Variants in DENND1B observed in about 807,000 individuals in gnomAD.
DENND1B encodes the protein DENN domain containing 1B.
DENND1B carries 59 observed loss-of-function variants against 90.1 expected under a neutral mutation model. The ratio of observed to expected loss-of-function variants is 0.65; its 90% CI spans 0.53 to 0.81. The LOEUF (loss-of-function observed/expected upper bound fraction) is 0.81. DENND1B is among the 40% of genes least tolerant of loss of function. DENND1B has a pLI of 0.00. For missense variants in DENND1B, 862 were observed against 912.6 expected, an observed-to-expected ratio of 0.94 and a Z score of 0.71; for synonymous variants, 337 against 324.6, an observed-to-expected ratio of 1.04 and a Z score of -0.41.
At chr1:197,542,735 G>A (rs928668869) in intron 18 of DENND1B, among the ~76,000 whole-genome samples, 1 of 152,030 alleles carries the variant, frequency 6.6e-6, no homozygotes, top group Non-Finnish European at 1.5e-5. Context: ...GAGCAGTCTG[G>A]AAAGATCAGT....
intron 16 of DENND1B, among the ~76,000 whole-genome samples, chr1:197,549,387 G>A (rs2125677391): frequency 6.6e-6 from 1 of 151,938 alleles, no homozygotes; most frequent in Middle Eastern, 3.4e-3. Flanking sequence ...AAATAAGAAT[G>A]GAAAAATAAA....
At chr1:197,618,394 G>C (rs1677854678) in intron 10 of DENND1B, among the ~76,000 whole-genome samples, 1 of 151,194 alleles carries the variant, frequency 6.6e-6, no homozygotes, top group South Asian at 2.1e-4. Context: ...AGGAAGCCAA[G>C]TATATCATAA....
In DENND1B at chr1:197,642,560, C is replaced by T. The variant is rs1322965905; in HGVS notation, c.672+151G>A. ...GCTTCCTATAAATCAGACTTTTGTA[C>T]TTCAAGAGCCAGATTAAAACCATAC... On this transcript the variant is annotated intron_variant, in intron 10 of 22. Transcript: ENST00000620048. 4 of 478,970 alleles carry T rather than the reference C, an allele frequency of 8.4e-6. No individual in the cohort carries two copies. The Admixed American group carries it at 1.6e-4, about 19-fold the overall frequency. 29.7% of individuals were successfully genotyped at this position (478,970 alleles called of 1,614,324 possible).
chr1:197,714,450 T>G (rs971194364), intron 3 of DENND1B, among the ~76,000 whole-genome samples: 1 of 152,094 alleles, frequency 6.6e-6, no homozygotes, highest in Admixed American at 6.6e-5. Context: ...ACTAAATATT[T>G]GAGGAACTAC....
chr1:197,636,920 A>G (rs1016903176), intron 10 of DENND1B, among the ~76,000 whole-genome samples: 2 of 152,110 alleles, frequency 1.3e-5, no homozygotes, highest in Admixed American at 6.6e-5. Flanking sequence ...TGGGGAAAAG[A>G]TGGCGAGTTG....
At chr1:197,680,859 T>G (rs1414369316) in intron 3 of DENND1B, among the ~76,000 whole-genome samples, 1 of 152,056 alleles carries the variant, frequency 6.6e-6, no homozygotes, top group African/African-American at 2.4e-5. Flanking sequence ...TTACTGTCTA[T>G]CTCATAAGAT....
intron 3 of DENND1B, among the ~76,000 whole-genome samples, chr1:197,705,339 T>A (rs1017706069): frequency 1.3e-5 from 2 of 152,192 alleles, no homozygotes; most frequent in Admixed American, 1.3e-4. Context: ...AAATGGTATC[T>A]AAAGTTCCTT....
intron 3 of DENND1B, among the ~76,000 whole-genome samples, chr1:197,703,110 C>T (rs971203510): frequency 1.3e-5 from 2 of 152,038 alleles, no homozygotes; most frequent in South Asian, 2.1e-4. Context: ...GCCTCAGTCT[C>T]CCAAGTAGCT....
chr1:197,588,643 A>G (rs1357538666), intron 14 of DENND1B, among the ~76,000 whole-genome samples: 1 of 152,192 alleles, frequency 6.6e-6, no homozygotes, highest in Non-Finnish European at 1.5e-5. Flanking sequence ...AATATCTGAA[A>G]GACTCTGCTG....
chr1:197,537,677 T>C (rs913982172), intron 20 of DENND1B, among the ~76,000 whole-genome samples: 5 of 151,888 alleles, frequency 3.3e-5, no homozygotes, highest in Non-Finnish European at 4.4e-5. Context: ...TAAATATATA[T>C]AATAAAAAAA....
chr1:197,595,201 C>T lies in DENND1B; in HGVS notation c.1047+7G>A, dbSNP rs755880763. 25 of 1,599,262 alleles carry T rather than the reference C, an allele frequency of 1.6e-5. No individual in the cohort carries two copies. Among genetic ancestry groups the T allele is most frequent in the South Asian group, 6.8e-5 (6 of 87,954 alleles). ...AAATTAAAACAGTGATGAAACAAAA[C>T]GCTTACAGGTTTGTATCTCAGTGCA... On this transcript the variant is annotated splice_region_variant and intron_variant, in intron 14 of 22. Transcript: ENST00000620048.
intron 14 of DENND1B, among the ~76,000 whole-genome samples, chr1:197,589,653 A>G (rs1675014038): frequency 6.6e-6 from 1 of 152,204 alleles, no homozygotes; most frequent in Non-Finnish European, 1.5e-5. Context: ...CTTAATCACT[A>G]AATACAACAA....
intron 5 of DENND1B, among the ~76,000 whole-genome samples, chr1:197,658,910 C>A (rs1654122618): frequency 6.6e-6 from 1 of 150,460 alleles, no homozygotes; most frequent in Admixed American, 6.6e-5. Context: ...ATATCAAAAC[C>A]AAATATAATT....
At chr1:197,638,294 T>C (rs1679966165) in intron 10 of DENND1B, among the ~76,000 whole-genome samples, 1 of 152,220 alleles carries the variant, frequency 6.6e-6, no homozygotes, top group African/African-American at 2.4e-5. Context: ...CTGTAACTAA[T>C]ATGCTTATAG....
At chr1:197,683,728 C>T (rs1656933986) in intron 3 of DENND1B, among the ~76,000 whole-genome samples, 1 of 152,160 alleles carries the variant, frequency 6.6e-6, no homozygotes, top group African/African-American at 2.4e-5. Flanking sequence ...TATTCTCAAG[C>T]ATGAAATCAC....
chr1:197,585,168 T>C (rs1304462258), intron 14 of DENND1B, among the ~76,000 whole-genome samples: 1 of 152,244 alleles, frequency 6.6e-6, no homozygotes, highest in African/African-American at 2.4e-5. Flanking sequence ...AGTACTAGCA[T>C]CATCCCTAGT....
At chr1:197,529,139 AAT>A in intron 20 of DENND1B, among the ~76,000 whole-genome samples, 1 of 149,548 alleles carries the variant, frequency 6.7e-6, no homozygotes, top group South Asian at 2.1e-4. Context: ...GTTTTTACAT[AAT>A]TAACTGGAGG....
chr1:197,667,416 C>A (rs112374998), intron 5 of DENND1B, among the ~76,000 whole-genome samples: 78 of 152,074 alleles, frequency 5.1e-4, no homozygotes, highest in African/African-American at 1.8e-3. Flanking sequence ...CATTCCCATT[C>A]TTTTTATTTT....
At position 197,775,322 on chromosome 1, in the gene DENND1B, C is replaced by G. The variant is rs1657181960; in HGVS notation, c.-167G>C. The G allele has an allele frequency of 1.7e-5, 7 of 417,628 alleles. No homozygotes were observed. The highest frequency in any genetic ancestry group is 2.8e-5 in the Non-Finnish European group (7 of 253,280). 25.9% of individuals were successfully genotyped at this position (417,628 alleles called of 1,614,324 possible). ...GGCGGGCCCATGTCGGCTGCGCCCCCGGCACTTCCCCGCCTCCCACCCCAC... is the reference window on the plus strand; with the variant it reads ...GGCGGGCCCATGTCGGCTGCGCCCCGGGCACTTCCCCGCCTCCCACCCCAC... On this transcript the variant is annotated 5_prime_UTR_variant, in exon 1 of 23. Transcript: ENST00000620048.
Sources: gnomAD v4.1 joint callset for allele counts (sites outside exome capture counted in the v4.1 genomes callset) on GRCh38, gnomAD v4.1.1 for gene constraint, MANE v1.5 for transcripts, NCBI Gene and HGNC (gene_info 2026-07-23, HGNC 2026-07-21) for gene names.